SCD5: variants seen among roughly 807,000 people sequenced by gnomAD.
The protein encoded by SCD5 is acyl-CoA-desaturase 4.
In SCD5, 20 loss-of-function variants were observed where a neutral mutation model predicts 30.4. The ratio of observed to expected loss-of-function variants is 0.66; its 90% CI spans 0.46 to 0.96. The LOEUF is 0.96. SCD5 is among the 40% of genes least tolerant of loss of function. The pLI, the probability that SCD5 is intolerant of heterozygous loss-of-function variation, is 0.00. For synonymous variants in SCD5, 173 were observed against 176.4 expected (o/e 0.98, Z 0.16); for missense variants, 381 against 443.3 (o/e 0.86, Z 1.26).
At chr4:82,784,661 G>A (rs900295429) in intron 1 of SCD5, among the ~76,000 whole-genome samples, 1 of 152,114 alleles carries the variant, frequency 6.6e-6, no homozygotes, top group Non-Finnish European at 1.5e-5. Flanking sequence ...ACATGGTTTC[G>A]GGACATAACT....
At chr4:82,797,419 A>G (rs1722248734) in intron 1 of SCD5, among the ~76,000 whole-genome samples, 1 of 152,152 alleles carries the variant, frequency 6.6e-6, no homozygotes, top group Non-Finnish European at 1.5e-5. Flanking sequence ...AGTGGTTCAA[A>G]GATCAACGAC....
At chr4:82,769,999 T>C (rs1721583489) in intron 1 of SCD5, among the ~76,000 whole-genome samples, 1 of 152,194 alleles carries the variant, frequency 6.6e-6, no homozygotes, top group African/African-American at 2.4e-5. Context: ...TCCCACACCC[T>C]TTCTGTAAAC....
chr4:82,755,857 C>T (rs1002537632), intron 1 of SCD5, among the ~76,000 whole-genome samples: 1 of 152,158 alleles, frequency 6.6e-6, no homozygotes, highest in Non-Finnish European at 1.5e-5. Context: ...AAGGCTGGCA[C>T]GGCTCCATTA....
rs925152153 is a variant in SCD5, at chr4:82,771,289, C to T, written c.232+27017G>A. On this transcript the variant is annotated intron_variant, in intron 1 of 4. Coordinates refer to ENST00000319540, the MANE Select transcript of SCD5 (RefSeq NM_001037582.3). ...GACTGGTAGCTGGTTTACTAACATACCCTGGGTTCTTTCTCATCTCCATCT... is the reference window on the plus strand; with the variant it reads ...GACTGGTAGCTGGTTTACTAACATATCCTGGGTTCTTTCTCATCTCCATCT... 7.2e-5 allele frequency among the ~76,000 whole-genome samples: 11 copies of T among 152,212 alleles called. No homozygotes were observed. The South Asian group carries it at 2.3e-3, about 32-fold the overall frequency.
chr4:82,747,032 C>T (rs1402048401), intron 1 of SCD5, among the ~76,000 whole-genome samples: 4 of 133,424 alleles, frequency 3.0e-5, no homozygotes, highest in Admixed American at 7.4e-5. Flanking sequence ...AAGGGGAGTT[C>T]GGTTGGGGGG....
chr4:82,743,534 A>AT (rs1720921533), intron 1 of SCD5, among the ~76,000 whole-genome samples: 1 of 151,888 alleles, frequency 6.6e-6, no homozygotes, highest in Admixed American at 6.6e-5. Context: ...ATATATATAT[A>AT]TTTTTTAATT....
chr4:82,738,416 G>A (rs7667641), intron 1 of SCD5, among the ~76,000 whole-genome samples: 88,223 of 151,978 alleles, frequency 0.58, 26,103 homozygotes, highest in South Asian at 0.76. Flanking sequence ...GTGAGACTCC[G>A]TTTAAAAAAA....
At chr4:82,679,724 C>CA (rs1728527350) in intron 3 of SCD5, among the ~76,000 whole-genome samples, 1 of 152,142 alleles carries the variant, frequency 6.6e-6, no homozygotes, top group Admixed American at 6.5e-5. Flanking sequence ...CTCTACTGCT[C>CA]CCCTCAGCGT....
intron 3 of SCD5, among the ~76,000 whole-genome samples, chr4:82,675,388 G>C (rs1308676334): frequency 6.6e-6 from 1 of 152,194 alleles, no homozygotes; most frequent in Non-Finnish European, 1.5e-5. Context: ...AGAGATAACA[G>C]ACTAGGGGAT....
intron 1 of SCD5, among the ~76,000 whole-genome samples, chr4:82,764,779 T>C (rs1024975385): frequency 6.6e-6 from 1 of 151,276 alleles, no homozygotes. Flanking sequence ...CATGCTACAG[T>C]GCAACGGTGC....
In SCD5 at chr4:82,798,588, C is replaced by A; in HGVS notation, c.-51G>T. ...CAGCGGCAGGCAGGCAGGCGCTCTG[C>A]CCGAGCGGAGCTCGAGGGTGGGGGC... On this transcript the variant is annotated 5_prime_UTR_variant, in exon 1 of 5. Coordinates refer to ENST00000319540, the MANE Select transcript of SCD5 (RefSeq NM_001037582.3). 1 of 1,488,674 alleles carries A rather than the reference C, an allele frequency of 6.7e-7. No individual in the cohort carries two copies. 92.2% of individuals were successfully genotyped at this position (1,488,674 alleles called of 1,614,324 possible). A position where few individuals can be genotyped will look rare whatever the true frequency, so the allele number is the denominator to read the frequency against.
In SCD5 at chr4:82,757,210, A is replaced by G. The variant is rs187954389; in HGVS notation, c.232+41096T>C. 7.9e-5 allele frequency among the ~76,000 whole-genome samples: 12 copies of G among 152,148 alleles called. No homozygotes were observed. The East Asian group carries it at 2.3e-3, about 29-fold the overall frequency. ...TTACCCTGAGTTGCAATTCATCTCC[A>G]TCCTGCTGTTGCAAAGTTCTATGCC... On this transcript the variant is annotated intron_variant, in intron 1 of 4. Transcript: ENST00000319540.
At chr4:82,772,598 T>A (rs984177118) in intron 1 of SCD5, among the ~76,000 whole-genome samples, 1 of 152,182 alleles carries the variant, frequency 6.6e-6, no homozygotes, top group Non-Finnish European at 1.5e-5. Context: ...GATGGCCTCA[T>A]ACATGTCTAG....
At chr4:82,660,755 A>G in intron 3 of SCD5, 1 of 1,531,290 alleles carries the variant, frequency 6.5e-7, no homozygotes, top group Non-Finnish European at 8.8e-7. Flanking sequence ...ACCTAATGTT[A>G]GCACAGACTG....
intron 1 of SCD5, among the ~76,000 whole-genome samples, chr4:82,724,432 C>G (rs7658285): frequency 0.52 from 79,241 of 151,676 alleles, 21,774 homozygotes; most frequent in African/African-American, 0.69. Flanking sequence ...GCCTGGGCAA[C>G]ATGGTGAGAC....
chr4:82,793,530 G>A (rs146609801), intron 1 of SCD5, among the ~76,000 whole-genome samples: 157 of 152,338 alleles, frequency 1.0e-3, no homozygotes, highest in African/African-American at 3.7e-3. Context: ...ATGCAAGAGA[G>A]GCTGTGAAGC....
At chr4:82,759,386 C>T (rs1721301096) in intron 1 of SCD5, among the ~76,000 whole-genome samples, 2 of 152,330 alleles carry the variant, frequency 1.3e-5, no homozygotes, top group South Asian at 4.1e-4. Context: ...GGCAGCTTCA[C>T]AAGCGGCCCT....
intron 1 of SCD5, among the ~76,000 whole-genome samples, chr4:82,730,401 A>T (rs1029284164): frequency 6.6e-6 from 1 of 150,522 alleles, no homozygotes; most frequent in Non-Finnish European, 1.5e-5. Context: ...GGTTCAAGCA[A>T]TTCTCCTGCC....
chr4:82,755,467 T>A (rs1721215233), intron 1 of SCD5, among the ~76,000 whole-genome samples: 1 of 152,074 alleles, frequency 6.6e-6, no homozygotes, highest in Non-Finnish European at 1.5e-5. Context: ...ACCACTGCAC[T>A]CCAGCCTGGG....
Sources: allele counts gnomAD v4.1 joint callset (sites outside exome capture counted in the v4.1 genomes callset), GRCh38; gene constraint gnomAD v4.1.1; transcripts MANE v1.5; gene names NCBI Gene and HGNC (gene_info 2026-07-23, HGNC 2026-07-21).